KANSL1: variants seen among roughly 807,000 people sequenced by gnomAD.
The protein encoded by KANSL1 is MLL1/MLL complex subunit KANSL1.
Under a neutral mutation model 103.6 loss-of-function variants are expected in KANSL1, and 22 were observed. That is an observed-to-expected ratio of 0.21 (90% CI 0.15 to 0.30). The LOEUF (loss-of-function observed/expected upper bound fraction) is 0.30, where lower values mean the gene tolerates loss of function less well. Among genes scored for constraint, KANSL1 ranks in the 10% least tolerant of loss-of-function variants. KANSL1 has a pLI of 1.00. For synonymous variants in KANSL1, 600 were observed against 527.6 expected, an observed-to-expected ratio of 1.14 and a Z score of -1.88; for missense variants, 1,337 against 1,399.8, an observed-to-expected ratio of 0.96 and a Z score of 0.72.
chr17:46,034,475 C>G, intron 10 of KANSL1, 190 bp from the exon 11 acceptor site: 1 of 550,026 alleles, frequency 1.8e-6, no homozygotes, highest in African/African-American at 1.9e-5. Flanking sequence ...CGGAGAAATA[C>G]CAGGTGGTCA....
At chr17:46,161,472 T>C (rs1460295537) in intron 2 of KANSL1, among the ~76,000 whole-genome samples, 1 of 151,660 alleles carries the variant, frequency 6.6e-6, no homozygotes, top group African/African-American at 2.4e-5. Context: ...CTCACCCAAA[T>C]CAGTTCGGTC....
At chr17:46,216,459 T>A (rs2048341461) in intron 1 of KANSL1, among the ~76,000 whole-genome samples, 1 of 151,812 alleles carries the variant, frequency 6.6e-6, no homozygotes, top group African/African-American at 2.4e-5. Flanking sequence ...ATTAGCCAGA[T>A]GTGGTGGCGG....
At chr17:46,214,486 T>C (rs991443981) in intron 1 of KANSL1, among the ~76,000 whole-genome samples, 2 of 152,204 alleles carry the variant, frequency 1.3e-5, no homozygotes, top group African/African-American at 4.8e-5. Context: ...ACACCCTGTC[T>C]CTACTAAAAA....
intron 2 of KANSL1, among the ~76,000 whole-genome samples, chr17:46,148,970 T>C (rs1044261744): frequency 6.6e-6 from 1 of 150,974 alleles, no homozygotes; most frequent in South Asian, 2.1e-4. Flanking sequence ...ATTCAAAAAA[T>C]TATTTTATCT....
intron 7 of KANSL1, among the ~76,000 whole-genome samples, chr17:46,049,240 CTTT>C (rs34418861): frequency 1.3e-5 from 1 of 75,766 alleles, no homozygotes; most frequent in Non-Finnish European, 2.4e-5. Flanking sequence ...CATCCAAGAC[CTTT>C]TTTTTTTTTT....
intron 3 of KANSL1, among the ~76,000 whole-genome samples, chr17:46,087,484 G>GC (rs1177560259): frequency 2.0e-5 from 3 of 152,230 alleles, no homozygotes; most frequent in Non-Finnish European, 4.4e-5. Context: ...GCTACCACGT[G>GC]CAAGGTAGTG....
At chr17:46,056,924 C>T (rs1319238591) in intron 6 of KANSL1, among the ~76,000 whole-genome samples, 1 of 152,158 alleles carries the variant, frequency 6.6e-6, no homozygotes, top group Non-Finnish European at 1.5e-5. Flanking sequence ...CCTCCCTACT[C>T]CCCCAATTTG....
At chr17:46,095,131 TTAAG>T (rs2042006766) in intron 2 of KANSL1, among the ~76,000 whole-genome samples, 1 of 152,098 alleles carries the variant, frequency 6.6e-6, no homozygotes, top group Admixed American at 6.6e-5. Context: ...GAAAATATCA[TTAAG>T]TACCATTCAT....
intron 2 of KANSL1, among the ~76,000 whole-genome samples, chr17:46,109,854 A>C (rs1170917217): frequency 6.6e-6 from 1 of 152,182 alleles, no homozygotes; most frequent in Non-Finnish European, 1.5e-5. Context: ...GTTTTGAAAA[A>C]CGTATACTCC....
chr17:46,187,164 C>G (rs1372259457), intron 1 of KANSL1, among the ~76,000 whole-genome samples: 2 of 152,240 alleles, frequency 1.3e-5, no homozygotes, highest in Non-Finnish European at 2.9e-5. Flanking sequence ...GGCCAAATAA[C>G]AAGCAGCAAG....
intron 2 of KANSL1, among the ~76,000 whole-genome samples, chr17:46,098,872 C>T (rs974471824): frequency 6.6e-6 from 1 of 152,140 alleles, no homozygotes; most frequent in Non-Finnish European, 1.5e-5. Flanking sequence ...TTCAAAATAC[C>T]AGCAATATGA....
Position 46,094,548 on chromosome 17 carries a change from C to T in KANSL1, c.1431+12G>A. ...CGGCAGCATTTAAAAACATCAGATA[C>T]TTATCCCTTACCTTATTAGCACGTA... On this transcript the variant is annotated intron_variant, in intron 3 of 14. Transcript: ENST00000432791. 2 of 1,608,056 alleles carry T rather than the reference C, an allele frequency of 1.2e-6. No individual in the cohort carries two copies. Among genetic ancestry groups the T allele is most frequent in the Non-Finnish European group, 1.7e-6 (2 of 1,178,542 alleles).
chr17:46,144,028 G>T (rs2044566979), intron 2 of KANSL1, among the ~76,000 whole-genome samples: 1 of 152,170 alleles, frequency 6.6e-6, no homozygotes, highest in Admixed American at 6.5e-5. Context: ...AACAGCAGAG[G>T]TAAAACAAGT....
intron 6 of KANSL1, among the ~76,000 whole-genome samples, chr17:46,062,118 C>CAAAAAAAAAACA (rs2078190904): frequency 9.2e-6 from 1 of 108,780 alleles, no homozygotes; most frequent in African/African-American, 3.6e-5. Flanking sequence ...AACAAACAAA[C>CAAAAAAAAAACA]AAAAAAAAAA....
intron 4 of KANSL1, among the ~76,000 whole-genome samples, chr17:46,075,672 CATT>C (rs1029494898): frequency 6.6e-5 from 10 of 152,152 alleles, no homozygotes; most frequent in African/African-American, 1.9e-4. Context: ...ATGTATCTAG[CATT>C]AATAAAACAA....
At chr17:46,177,268 T>C (rs188025213) in intron 1 of KANSL1, among the ~76,000 whole-genome samples, 1 of 152,372 alleles carries the variant, frequency 6.6e-6, no homozygotes, top group African/African-American at 2.4e-5. Context: ...TGCACTTTTA[T>C]TACACTGGAA....
Position 46,065,281 on chromosome 17 carries a change from T to G in KANSL1, c.1848+1256A>C, listed in dbSNP as rs191930655. Among the ~76,000 whole-genome samples, 40 of 152,290 alleles carry G rather than the reference T, an allele frequency of 2.6e-4. 1 individual carries two copies. The highest frequency in any genetic ancestry group is 2.4e-3 in the Admixed American group (37 of 15,300). On this transcript the variant is annotated intron_variant, in intron 6 of 14. Coordinates refer to ENST00000432791, the MANE Select transcript of KANSL1 (RefSeq NM_015443.4). ...ACTGTGCCTAGCCTCTCTCCAAGAT[T>G]TAATGCTATAGGACACACTGCAGAG...
chr17:46,200,758 TA>T (rs1848080522), intron 1 of KANSL1, among the ~76,000 whole-genome samples: 2 of 151,916 alleles, frequency 1.3e-5, no homozygotes, highest in African/African-American at 2.4e-5. Context: ...TATATATATA[TA>T]TATTTTTCTT....
chr17:46,161,448 A>C (rs1316476895), intron 2 of KANSL1, among the ~76,000 whole-genome samples: 1 of 151,472 alleles, frequency 6.6e-6, no homozygotes, highest in Non-Finnish European at 1.5e-5. Context: ...AAAAAAAAAA[A>C]CCTTGTTTCC....
Sources: allele counts gnomAD v4.1 joint callset (sites outside exome capture counted in the v4.1 genomes callset), GRCh38; gene constraint gnomAD v4.1.1; transcripts MANE v1.5; gene names NCBI Gene and HGNC (gene_info 2026-07-23, HGNC 2026-07-21).